PCDH15: variants seen among roughly 807,000 people sequenced by gnomAD.
PCDH15 encodes the protein protocadherin related 15, also known as protocadherin-15.
Under a neutral mutation model 178.5 loss-of-function variants are expected in PCDH15, and 129 were observed. The observed-to-expected ratio is 0.72, with a 90% CI of 0.63 to 0.84. PCDH15 has a LOEUF of 0.84. Ranked by LOEUF, PCDH15 falls within the 40% of genes least tolerant of loss-of-function variation. The probability of loss-of-function intolerance (pLI) is 0.00; values close to 1 mark genes in which losing one functional copy is unlikely to be tolerated. For synonymous variants in PCDH15, 800 were observed against 732.0 expected, an observed-to-expected ratio of 1.09 and a Z score of -1.50; for missense variants, 2,230 against 2,099.9, an observed-to-expected ratio of 1.06 and a Z score of -1.21.
chr10:54,870,679 C>A (rs1030948988), intron 3 of PCDH15, among the ~76,000 whole-genome samples: 1 of 151,458 alleles, frequency 6.6e-6, no homozygotes, highest in South Asian at 2.1e-4. Context: ...CCAGCTACTC[C>A]GGAGGCTGAG....
chr10:55,260,577 A>C (rs927109002), intron 1 of PCDH15, among the ~76,000 whole-genome samples: 3 of 152,140 alleles, frequency 2.0e-5, no homozygotes, highest in African/African-American at 7.2e-5. Context: ...GATATAGCTA[A>C]TTTATACAAT....
chr10:55,444,903 C>T (rs960803022), intron 2 of PCDH15, among the ~76,000 whole-genome samples: 1 of 152,070 alleles, frequency 6.6e-6, no homozygotes, highest in Non-Finnish European at 1.5e-5. Flanking sequence ...AACACATATT[C>T]ATCTCGTGAC....
chr10:54,165,437 CAAG>C (rs911591824), intron 13 of PCDH15, among the ~76,000 whole-genome samples: 3 of 152,104 alleles, frequency 2.0e-5, no homozygotes, highest in Non-Finnish European at 4.4e-5. Context: ...AATAAAACAA[CAAG>C]AAGATGACTT....
chr10:55,140,900 T>C (rs1838335666), intron 2 of PCDH15, among the ~76,000 whole-genome samples: 3 of 152,176 alleles, frequency 2.0e-5, no homozygotes, highest in East Asian at 3.9e-4. Context: ...TATTTCCTTG[T>C]TATCCTTTTG....
chr10:54,575,172 G>A (rs1222115924), intron 2 of PCDH15: 3 of 118,058 alleles, frequency 2.5e-5, no homozygotes, highest in South Asian at 3.4e-4. Flanking sequence ...AGGGGGGAGG[G>A]ATAGCATTGG....
At chr10:54,823,725 A>C (rs1348577443) in intron 3 of PCDH15, among the ~76,000 whole-genome samples, 1 of 151,948 alleles carries the variant, frequency 6.6e-6, no homozygotes, top group African/African-American at 2.4e-5. Flanking sequence ...GTGCTATTCT[A>C]CTTCATTTTT....
intron 2 of PCDH15, among the ~76,000 whole-genome samples, chr10:55,011,297 C>A (rs2131943178): frequency 6.6e-6 from 1 of 152,046 alleles, no homozygotes; most frequent in East Asian, 1.9e-4. Context: ...TACAAATGAC[C>A]AAACTATCAG....
intron 2 of PCDH15, among the ~76,000 whole-genome samples, chr10:55,626,298 G>A (rs576295145): frequency 1.3e-5 from 2 of 152,120 alleles, no homozygotes; most frequent in South Asian, 4.1e-4. Context: ...TGTTAGTAAG[G>A]CCAGATCTTG....
chr10:54,472,406 T>C (rs559661091), intron 3 of PCDH15, among the ~76,000 whole-genome samples: 107 of 152,262 alleles, frequency 7.0e-4, no homozygotes, highest in African/African-American at 2.4e-3. Context: ...TTTAACTGAG[T>C]GTGAAGAAAA....
intron 2 of PCDH15, among the ~76,000 whole-genome samples, chr10:54,544,965 A>G (rs913188565): frequency 6.6e-6 from 1 of 152,152 alleles, no homozygotes; most frequent in Non-Finnish European, 1.5e-5. Context: ...TTCAATTATC[A>G]TAATCAGAGA....
chr10:53,942,825 G>C (rs963642962), intron 23 of PCDH15, among the ~76,000 whole-genome samples: 1 of 152,136 alleles, frequency 6.6e-6, no homozygotes, highest in Admixed American at 6.5e-5. Flanking sequence ...CTGGATTCCT[G>C]ACCTATAGGA....
At position 54,066,638 on chromosome 10, in the gene PCDH15, A is replaced by G. The variant is rs2094141233; in HGVS notation, c.2220+119T>C. The G allele has an allele frequency of 4.2e-6, 4 of 948,774 alleles. No individual in the cohort carries two copies. In the African/African-American group the frequency reaches 6.6e-5, roughly 16 times the overall value. The allele number at this position is 948,774 out of a possible 1,614,324, so 58.8% of individuals were successfully genotyped here. On this transcript the variant is annotated intron_variant, in intron 18 of 37. Transcript: ENST00000644397. ...GATTCATTTTTTAAAGTCTTGAAGA[A>G]TATCCAGCACAGTCATTTAACAGAT... is the stretch of plus-strand genomic sequence containing the variant.
intron 2 of PCDH15, chr10:54,528,519 T>C (rs1288271362): frequency 2.9e-6 from 2 of 692,770 alleles, no homozygotes; most frequent in Non-Finnish European, 4.6e-6. Context: ...AAAAGCATTA[T>C]ACAATAACAT....
intron 8 of PCDH15, among the ~76,000 whole-genome samples, chr10:54,315,548 T>C (rs1190375015): frequency 6.6e-6 from 1 of 152,204 alleles, no homozygotes; most frequent in African/African-American, 2.4e-5. Context: ...ATCCCATTTG[T>C]CAATGTTTGC....
chr10:55,137,573 T>G (rs1838229214), intron 2 of PCDH15, among the ~76,000 whole-genome samples: 1 of 151,076 alleles, frequency 6.6e-6, no homozygotes, highest in Non-Finnish European at 1.5e-5. Flanking sequence ...GAGAAATAAT[T>G]TCTATGTAAT....
At chr10:55,560,493 T>C (rs899231073) in intron 2 of PCDH15, among the ~76,000 whole-genome samples, 3 of 152,068 alleles carry the variant, frequency 2.0e-5, no homozygotes, top group African/African-American at 7.2e-5. Flanking sequence ...CTGAGTAACA[T>C]ACTGAGAAAT....
chr10:54,580,948 AC>A (rs2090981544), intron 2 of PCDH15, among the ~76,000 whole-genome samples: 1 of 152,104 alleles, frequency 6.6e-6, no homozygotes, highest in African/African-American at 2.4e-5. Flanking sequence ...AAAGGAACAT[AC>A]CTAAAAATAA....
At chr10:55,323,366 C>T (rs1843953675), upstream of PCDH15, among the ~76,000 whole-genome samples, 1 of 152,144 alleles carries the variant, frequency 6.6e-6, no homozygotes, top group Non-Finnish European at 1.5e-5. Context: ...CCTCCAAACC[C>T]CAGAATGGTA....
At position 54,857,107 on chromosome 10, in the gene PCDH15, A is replaced by G. The variant is rs147894626; in HGVS notation, c.-29+40343T>C. On this transcript the variant is annotated intron_variant, in intron 3 of 5. Coordinates refer to the PCDH15 transcript ENST00000458638. The stretch of plus-strand genomic sequence containing the variant: ...TCTGTTCAGTGCTTGTTACATACCC[A>G]TTGCCTCAATACTGTGGGTTTAGTG... Among the ~76,000 whole-genome samples, 8 of 152,198 alleles carry G rather than the reference A, an allele frequency of 5.3e-5. No homozygotes were observed. The East Asian group carries it at 1.4e-3, about 26-fold the overall frequency.
Sources: allele counts gnomAD v4.1 joint callset (sites outside exome capture counted in the v4.1 genomes callset), GRCh38; gene constraint gnomAD v4.1.1; transcripts MANE v1.5; gene names NCBI Gene and HGNC (gene_info 2026-07-23, HGNC 2026-07-21).